The following TXLNB variants were observed in gnomAD, a reference collection of about 807,000 sequenced individuals.
TXLNB encodes the protein taxilin beta.
Under a neutral mutation model 57.4 loss-of-function variants are expected in TXLNB, and 37 were observed. The observed-to-expected ratio is 0.64, with a 90% CI of 0.50 to 0.85. The LOEUF (loss-of-function observed/expected upper bound fraction) is 0.85. Ranked by LOEUF, TXLNB falls within the 40% of genes least tolerant of loss-of-function variation. The pLI is 0.00. For synonymous variants in TXLNB, 302 were observed against 309.6 expected, an observed-to-expected ratio of 0.98 and a Z score of 0.26; for missense variants, 848 against 825.6, an observed-to-expected ratio of 1.03 and a Z score of -0.33.
chr6:139,281,710 G>C (rs1379856594), intron 2 of TXLNB, among the ~76,000 whole-genome samples: 2 of 110,340 alleles, frequency 1.8e-5, no homozygotes, highest in Non-Finnish European at 3.4e-5. Context: ...TACCACGCCC[G>C]GCTAATTTTT....
the TXLNB span, among the ~76,000 whole-genome samples, chr6:139,165,840 T>TG: frequency 6.2e-4 from 95 of 152,278 alleles, no homozygotes; most frequent in East Asian, 0.015. Flanking sequence ...TAAGATAGAG[T>TG]ACAACTATGT....
the TXLNB span, among the ~76,000 whole-genome samples, chr6:139,209,323 A>G: frequency 6.6e-6 from 1 of 152,222 alleles, no homozygotes; most frequent in Non-Finnish European, 1.5e-5. Flanking sequence ...AACACATCCC[A>G]TGTTCATGGA....
At chr6:139,282,554 G>A (rs1222958115) in intron 2 of TXLNB, among the ~76,000 whole-genome samples, 1 of 145,462 alleles carries the variant, frequency 6.9e-6, no homozygotes, top group East Asian at 2.0e-4. Context: ...TCCAGCCTGG[G>A]CAACAGAGTG....
At chr6:139,212,577 G>A in the TXLNB span, among the ~76,000 whole-genome samples, 32 of 152,228 alleles carry the variant, frequency 2.1e-4, no homozygotes, top group African/African-American at 7.2e-4. Context: ...CAACTAACGA[G>A]CAAAATAACC....
chr6:139,166,744 C>T, the TXLNB span: 8 of 1,613,536 alleles, frequency 5.0e-6, no homozygotes, highest in Non-Finnish European at 6.8e-6. Flanking sequence ...GCCGGCATTC[C>T]ATGGACCGGC....
At chr6:139,298,465 G>C in the TXLNB span, among the ~76,000 whole-genome samples, 124 of 152,316 alleles carry the variant, frequency 8.1e-4, no homozygotes, top group African/African-American at 3.0e-3. Flanking sequence ...AGAATAAGGT[G>C]TGTTATTTTG....
In TXLNB at chr6:139,242,987, C is replaced by A; in HGVS notation, c.1594G>T (p.Glu532Ter). The A allele has an allele frequency of 6.2e-7, 1 of 1,614,158 alleles. No individual in the cohort carries two copies. The highest frequency in any genetic ancestry group is 8.5e-7 in the Non-Finnish European group (1 of 1,180,032). ...ETQPEIGSSQ[E>*]SADAALKEPE... Reference sequence around the variant, plus strand: ...TCCTTGAGAGCGGCGTCAGCACTCTCCTGAGAACTGCCTATTTCGGGTTGG... The same window carrying A: ...TCCTTGAGAGCGGCGTCAGCACTCTACTGAGAACTGCCTATTTCGGGTTGG... The change falls in exon 10 of 10, where the codon GAG (glutamate) becomes TAG (stop). Residue 532 changes from glutamate (E) to a stop codon, truncating the protein, a stop_gained. Transcript: ENST00000358430. LOFTEE classifies it low-confidence loss of function (END_TRUNC).
chr6:139,178,127 T>G, the TXLNB span: 1 of 152,342 alleles, frequency 6.6e-6, no homozygotes, highest in South Asian at 2.1e-4. Context: ...AGAAAATAAT[T>G]TTACTATTTC....
At chr6:139,207,915 A>G in the TXLNB span, among the ~76,000 whole-genome samples, 2 of 152,174 alleles carry the variant, frequency 1.3e-5, no homozygotes, top group Non-Finnish European at 2.9e-5. Context: ...GTTTCTACTA[A>G]AAGTACAAAA....
the TXLNB span, among the ~76,000 whole-genome samples, chr6:139,181,607 A>G: frequency 6.6e-6 from 1 of 152,138 alleles, no homozygotes; most frequent in East Asian, 1.9e-4. Context: ...CTATATTATT[A>G]CTAGTCATTG....
At chr6:139,185,535 A>G in the TXLNB span, among the ~76,000 whole-genome samples, 4 of 152,218 alleles carry the variant, frequency 2.6e-5, no homozygotes, top group East Asian at 7.8e-4. Flanking sequence ...CCCCGTCTCT[A>G]CTAAAAATGT....
chr6:139,185,033 G>A, the TXLNB span, among the ~76,000 whole-genome samples: 1 of 152,062 alleles, frequency 6.6e-6, no homozygotes, highest in Non-Finnish European at 1.5e-5. Context: ...TTTTTCTGAA[G>A]CTCTGATGAC....
chr6:139,291,178 T>C (rs1777292550), intron 1 of TXLNB, among the ~76,000 whole-genome samples: 1 of 152,230 alleles, frequency 6.6e-6, no homozygotes, highest in African/African-American at 2.4e-5. Flanking sequence ...CCAGAAGTTA[T>C]TTTAAGCTAT....
chr6:139,300,755 C>T, the TXLNB span, among the ~76,000 whole-genome samples: 57,356 of 151,920 alleles, frequency 0.38, 13,091 homozygotes, highest in East Asian at 0.52. Context: ...AATTAGCCAG[C>T]GTGGTGGCAC....
rs909899306 is a variant in TXLNB, at chr6:139,241,042, C to G, written c.*1484G>C. On this transcript the variant is annotated 3_prime_UTR_variant, in exon 10 of 10. Transcript: ENST00000358430. ...CTTCTTTCCTGTTTCATTGTTGCAG[C>G]TATCCTTTACCCTAGGTAATTTATG... The G allele has an allele frequency of 6.6e-6, 1 of 152,194 alleles. No individual in the cohort carries two copies. The highest frequency in any genetic ancestry group is 1.5e-5 in the Non-Finnish European group (1 of 68,048). The allele number at this position is 152,194 out of a possible 1,614,324, so 9.4% of individuals were successfully genotyped here. A position where few individuals can be genotyped will look rare whatever the true frequency, so the allele number is the denominator to read the frequency against.
At chr6:139,224,849 AG>A in the TXLNB span, among the ~76,000 whole-genome samples, 1 of 152,204 alleles carries the variant, frequency 6.6e-6, no homozygotes, top group Non-Finnish European at 1.5e-5. Context: ...TAGAAAAGTA[AG>A]GCATACTTCC....
chr6:139,228,481 A>G, the TXLNB span, among the ~76,000 whole-genome samples: 1 of 148,472 alleles, frequency 6.7e-6, no homozygotes, highest in Non-Finnish European at 1.5e-5. Flanking sequence ...AGCTGAGATC[A>G]TGCCACTGCA....
chr6:139,317,955 A>G, the TXLNB span, among the ~76,000 whole-genome samples: 1 of 152,214 alleles, frequency 6.6e-6, no homozygotes, highest in South Asian at 2.1e-4. Context: ...GATGATCTAA[A>G]CAGCATATTA....
At chr6:139,235,384 A>T (rs932667656), downstream of TXLNB, among the ~76,000 whole-genome samples, 2 of 152,114 alleles carry the variant, frequency 1.3e-5, no homozygotes, top group African/African-American at 4.8e-5. Context: ...GAGACTTTGG[A>T]CTTTTGGGTT....
Sources: allele counts gnomAD v4.1 joint callset (sites outside exome capture counted in the v4.1 genomes callset), GRCh38; gene constraint gnomAD v4.1.1; transcripts MANE v1.5; gene names NCBI Gene and HGNC (gene_info 2026-07-23, HGNC 2026-07-21).